The following PCSK5 variants were observed in gnomAD, a reference collection of about 807,000 sequenced individuals.
The protein encoded by PCSK5 is prohormone convertase 5.
A neutral mutation model predicts 233.2 loss-of-function variants in PCSK5; 129 were observed. That is an observed-to-expected ratio of 0.55 (90% confidence interval 0.48 to 0.64). The LOEUF is 0.64. Ranked by LOEUF, PCSK5 falls within the 30% of genes least tolerant of loss-of-function variation. The pLI is 0.00. For synonymous variants in PCSK5, 825 were observed against 879.2 expected (o/e 0.94, Z 1.09); for missense variants, 2,076 against 2,430.1 (o/e 0.85, Z 3.06).
intron 20 of PCSK5, among the ~76,000 whole-genome samples, chr9:76,226,696 C>T (rs141468467): frequency 6.6e-6 from 1 of 152,098 alleles, no homozygotes; most frequent in Admixed American, 6.5e-5. Flanking sequence ...ACCAAAGAAG[C>T]CTGTCAATTT....
At chr9:76,087,267 T>A (rs1831102777) in intron 7 of PCSK5, among the ~76,000 whole-genome samples, 1 of 152,260 alleles carries the variant, frequency 6.6e-6, no homozygotes, top group Non-Finnish European at 1.5e-5. Context: ...TGTGAGTTGA[T>A]GTTCTACCAA....
chr9:75,920,067 G>A (rs1369404819), intron 1 of PCSK5, among the ~76,000 whole-genome samples: 1 of 152,190 alleles, frequency 6.6e-6, no homozygotes, highest in African/African-American at 2.4e-5. Context: ...TACTTGGGAG[G>A]CTGGGGGAGG....
Position 76,315,255 on chromosome 9 carries a change from A to G in PCSK5, c.3884+4404A>G, listed in dbSNP as rs140978325. 5.6e-3 allele frequency among the ~76,000 whole-genome samples: 859 copies of G among 152,218 alleles called. 9 individuals are homozygous for G. Among genetic ancestry groups the G allele is most frequent in the African/African-American group, 0.019 (805 of 41,526 alleles). On this transcript the variant is annotated intron_variant, in intron 30 of 37. Transcript: ENST00000674117. ...AGGCATGAGCCACTGTGACAGTAAC[A>G]TATATCATTACAGTAGTTGTTTAAA...
At chr9:76,302,959 C>CTTTTTTTTTTTTT (rs10552673) in intron 28 of PCSK5, among the ~76,000 whole-genome samples, 3 of 87,472 alleles carry the variant, frequency 3.4e-5, no homozygotes, top group South Asian at 4.9e-4. Flanking sequence ...CAAAGTGGTT[C>CTTTTTTTTTTTTT]TTTTTTTTTT....
At chr9:76,324,989 C>T (rs1332965879) in intron 32 of PCSK5, among the ~76,000 whole-genome samples, 2 of 152,138 alleles carry the variant, frequency 1.3e-5, no homozygotes, top group East Asian at 1.9e-4. Context: ...TAGTAGGACA[C>T]GAAGATGTGT....
At chr9:76,088,190 G>C (rs1831141853) in intron 7 of PCSK5, among the ~76,000 whole-genome samples, 1 of 152,206 alleles carries the variant, frequency 6.6e-6, no homozygotes, top group African/African-American at 2.4e-5. Context: ...GAGACCAGTA[G>C]CAGGGCCAGG....
intron 24 of PCSK5, among the ~76,000 whole-genome samples, chr9:76,279,540 A>G (rs1827800537): frequency 6.6e-6 from 1 of 152,036 alleles, no homozygotes; most frequent in Non-Finnish European, 1.5e-5. Context: ...CAGTGTAAAA[A>G]TGTTCCTGTT....
At chr9:76,204,858 G>C (rs1390022938) in intron 20 of PCSK5, among the ~76,000 whole-genome samples, 1 of 152,162 alleles carries the variant, frequency 6.6e-6, no homozygotes, top group Non-Finnish European at 1.5e-5. Flanking sequence ...CTTGGGGGCA[G>C]GGAGGGCAAG....
In PCSK5 at chr9:76,233,557, C is replaced by A. The variant is rs745747141; in HGVS notation, c.2827C>A (p.Gln943Lys). Residue 943 changes from glutamine to lysine, a missense_variant, in exon 22 of 38, where the codon CAA becomes AAA. Gln to Lys is a moderately conservative substitution (Grantham distance 53). Around this residue, in one of 6 missense-constraint regions of PCSK5, gnomAD observed 1,510 missense variants for 1,538.1 expected, o/e 0.98. Transcript: ENST00000674117. ...ATGCCACCACACCTGCCAGAGATGC[C>A]AAGGAAGTGGCCCTACCCACTGCAC... ...HPCHHTCQRC[Q>K]GSGPTHCTSC... is the part of the protein sequence containing the mutation. The A allele has an allele frequency of 6.2e-7, 1 of 1,611,946 alleles. No homozygotes were observed. The highest frequency in any genetic ancestry group is 8.5e-7 in the Non-Finnish European group (1 of 1,179,766).
chr9:76,123,754 T>A (rs1235715136), intron 9 of PCSK5, among the ~76,000 whole-genome samples: 1 of 152,262 alleles, frequency 6.6e-6, no homozygotes, highest in East Asian at 1.9e-4. Flanking sequence ...ACCTTCAGAG[T>A]CTGTATTTGT....
chr9:75,967,727 C>G (rs1825650739), intron 2 of PCSK5, among the ~76,000 whole-genome samples: 1 of 151,840 alleles, frequency 6.6e-6, no homozygotes, highest in South Asian at 2.1e-4. Flanking sequence ...CTAATAACTC[C>G]CTCACTGGGC....
chr9:76,327,493 C>T (rs981781493), intron 32 of PCSK5, among the ~76,000 whole-genome samples: 1 of 152,122 alleles, frequency 6.6e-6, no homozygotes, highest in Non-Finnish European at 1.5e-5. Context: ...TTATCGATTC[C>T]TATTACATGC....
chr9:76,309,519 C>A (rs1828799995), intron 29 of PCSK5, among the ~76,000 whole-genome samples: 1 of 152,044 alleles, frequency 6.6e-6, no homozygotes, highest in Non-Finnish European at 1.5e-5. Flanking sequence ...CATGGCAAGT[C>A]CCCGTCTCTA....
intron 1 of PCSK5, among the ~76,000 whole-genome samples, chr9:75,931,780 A>T (rs139599216): frequency 1.3e-3 from 196 of 152,356 alleles, no homozygotes; most frequent in African/African-American, 4.5e-3. Context: ...CTTAGCTGAT[A>T]GGTAGGATGT....
chr9:76,082,526 T>C (rs1027533334), intron 7 of PCSK5, among the ~76,000 whole-genome samples: 1 of 152,156 alleles, frequency 6.6e-6, no homozygotes, highest in African/African-American at 2.4e-5. Context: ...TGGGGAAAGA[T>C]GAATAGCACT....
chr9:75,963,814 G>T (rs1181480811), intron 2 of PCSK5, among the ~76,000 whole-genome samples: 1 of 152,196 alleles, frequency 6.6e-6, no homozygotes, highest in African/African-American at 2.4e-5. Flanking sequence ...AGGAGGCAAA[G>T]GTTGCAGTGA....
chr9:76,204,426 T>TTTTC (rs1287254213), intron 20 of PCSK5, among the ~76,000 whole-genome samples: 2 of 152,014 alleles, frequency 1.3e-5, no homozygotes, highest in Non-Finnish European at 2.9e-5. Context: ...TTTTCTTTCT[T>TTTTC]TTTCTTTCTT....
intron 3 of PCSK5, among the ~76,000 whole-genome samples, chr9:76,021,302 A>G (rs546997522): frequency 2.0e-5 from 3 of 152,188 alleles, no homozygotes; most frequent in South Asian, 4.1e-4. Context: ...TCGTTGTTGG[A>G]TTGCATAGAA....
chr9:76,222,090 A>C (rs1487831741), intron 20 of PCSK5, among the ~76,000 whole-genome samples: 1 of 152,174 alleles, frequency 6.6e-6, no homozygotes, highest in Admixed American at 6.5e-5. Flanking sequence ...GGAAAGGAAG[A>C]AGACAGAGTT....
Sources: gnomAD v4.1 joint callset for allele counts (sites outside exome capture counted in the v4.1 genomes callset) on GRCh38, gnomAD v4.1.1 for gene constraint, gnomAD v4.1.1 regional missense constraint, MANE v1.5 for transcripts, NCBI Gene and HGNC (gene_info 2026-07-23, HGNC 2026-07-21) for gene names.